The following BMP5 variants were observed in gnomAD, a reference collection of about 807,000 sequenced individuals.
BMP5 encodes bone morphogenetic protein 5.
In BMP5, 23 loss-of-function variants were observed where a neutral mutation model predicts 46.6. That is an observed-to-expected ratio of 0.49 (90% CI 0.35 to 0.70). BMP5 has a LOEUF of 0.70. Ranked by LOEUF, BMP5 falls within the 30% of genes least tolerant of loss-of-function variation. BMP5 has a pLI of 0.00. For synonymous variants in BMP5, 204 were observed against 191.9 expected (o/e 1.06, Z -0.52); for missense variants, 545 against 565.6 (o/e 0.96, Z 0.37).
chr6:55,796,299 C>G (rs1775710708), intron 2 of BMP5, among the ~76,000 whole-genome samples: 1 of 151,820 alleles, frequency 6.6e-6, no homozygotes, highest in South Asian at 2.1e-4. Flanking sequence ...CTTTCAGAAG[C>G]AAAATTAACA....
intron 2 of BMP5, among the ~76,000 whole-genome samples, chr6:55,801,383 T>C (rs1775845802): frequency 6.6e-6 from 1 of 152,204 alleles, no homozygotes. Context: ...AGGCATCCGC[T>C]TCTAAAGGAA....
intron 1 of BMP5, among the ~76,000 whole-genome samples, chr6:55,833,371 CAT>C (rs1776710425): frequency 6.6e-6 from 1 of 152,172 alleles, no homozygotes; most frequent in Non-Finnish European, 1.5e-5. Context: ...ACTTTGAAAA[CAT>C]ATCAACATCA....
At chr6:55,848,594 T>C (rs947386387) in intron 1 of BMP5, among the ~76,000 whole-genome samples, 6 of 151,976 alleles carry the variant, frequency 3.9e-5, no homozygotes, top group African/African-American at 1.4e-4. Context: ...TAGAGGTTAA[T>C]AAATATTTAT....
At chr6:55,852,021 C>T (rs1043728719) in intron 1 of BMP5, among the ~76,000 whole-genome samples, 30 of 151,946 alleles carry the variant, frequency 2.0e-4, no homozygotes, top group Non-Finnish European at 3.4e-4. Context: ...CTATTCTATC[C>T]CCCCAAAGTA....
chr6:55,802,569 G>T (rs1021472704), intron 2 of BMP5, among the ~76,000 whole-genome samples: 1 of 151,852 alleles, frequency 6.6e-6, no homozygotes, highest in Admixed American at 6.6e-5. Flanking sequence ...GACCAGCCAT[G>T]GTGCTTGTCA....
chr6:55,797,958 C>T (rs900163015), intron 2 of BMP5, among the ~76,000 whole-genome samples: 4 of 152,064 alleles, frequency 2.6e-5, no homozygotes, highest in Admixed American at 6.6e-5. Context: ...CTAGAGTTTG[C>T]AATTGATTTT....
intron 1 of BMP5, among the ~76,000 whole-genome samples, chr6:55,829,349 T>G (rs1029139311): frequency 8.8e-5 from 13 of 147,956 alleles, no homozygotes; most frequent in African/African-American, 3.2e-4. Flanking sequence ...GTTTTCTTGT[T>G]TTTTTTCAGA....
chr6:55,862,935 C>T (rs920193902), intron 1 of BMP5, among the ~76,000 whole-genome samples: 1 of 152,086 alleles, frequency 6.6e-6, no homozygotes, highest in African/African-American at 2.4e-5. Context: ...TTTAATTTTA[C>T]TTGGTGCTAG....
At chr6:55,831,225 A>G (rs1776656548) in intron 1 of BMP5, among the ~76,000 whole-genome samples, 1 of 152,174 alleles carries the variant, frequency 6.6e-6, no homozygotes, top group Non-Finnish European at 1.5e-5. Context: ...AAAATAGCAA[A>G]GAAACAGCAT....
At chr6:55,808,175 G>C (rs548075345) in intron 2 of BMP5, among the ~76,000 whole-genome samples, 16 of 152,312 alleles carry the variant, frequency 1.1e-4, no homozygotes, top group Non-Finnish European at 2.2e-4. Flanking sequence ...TGAGCACCTG[G>C]TTGGAGTTTT....
chr6:55,787,978 G>T (rs939905989), intron 3 of BMP5, among the ~76,000 whole-genome samples: 1 of 151,520 alleles, frequency 6.6e-6, no homozygotes, highest in Middle Eastern at 3.4e-3. Context: ...ATGTATTAGG[G>T]ACCATTGGAC....
chr6:55,784,208 G>A (rs936451493), intron 3 of BMP5, among the ~76,000 whole-genome samples: 2 of 151,824 alleles, frequency 1.3e-5, no homozygotes, highest in African/African-American at 4.8e-5. Flanking sequence ...TTTGGGACTT[G>A]AAGAAGAGAA....
intron 1 of BMP5, among the ~76,000 whole-genome samples, chr6:55,865,684 T>A (rs572889760): frequency 1.7e-3 from 254 of 152,338 alleles, no homozygotes; most frequent in African/African-American, 5.5e-3. Context: ...AGGCTGAATG[T>A]AGATTTCCTC....
At chr6:55,843,937 G>A (rs1777031722) in intron 1 of BMP5, among the ~76,000 whole-genome samples, 1 of 151,832 alleles carries the variant, frequency 6.6e-6, no homozygotes, top group Non-Finnish European at 1.5e-5. Flanking sequence ...ATTTTACTAG[G>A]TATCAGTCAT....
At chr6:55,859,184 T>C (rs1777473742) in intron 1 of BMP5, among the ~76,000 whole-genome samples, 1 of 152,226 alleles carries the variant, frequency 6.6e-6, no homozygotes, top group Non-Finnish European at 1.5e-5. Flanking sequence ...TTAGCAGTGA[T>C]ATTGAAACAC....
chr6:55,862,467 C>T (rs1231900124), intron 1 of BMP5, among the ~76,000 whole-genome samples: 1 of 152,066 alleles, frequency 6.6e-6, no homozygotes, highest in African/African-American at 2.4e-5. Flanking sequence ...TCAATGTATA[C>T]AGTAGCAAAG....
intron 1 of BMP5, among the ~76,000 whole-genome samples, chr6:55,870,500 A>G (rs1777759894): frequency 1.3e-5 from 2 of 152,144 alleles, no homozygotes; most frequent in Non-Finnish European, 2.9e-5. Context: ...GCTTTATATT[A>G]TCTTTCCTTC....
intron 1 of BMP5, among the ~76,000 whole-genome samples, chr6:55,822,661 A>T (rs1311600536): frequency 1.3e-5 from 2 of 152,148 alleles, no homozygotes; most frequent in African/African-American, 2.4e-5. Flanking sequence ...TCCAACCTAA[A>T]GTGTGCACCT....
intron 1 of BMP5, among the ~76,000 whole-genome samples, chr6:55,822,992 A>C (rs1432144473): frequency 6.6e-6 from 1 of 152,140 alleles, no homozygotes; most frequent in Non-Finnish European, 1.5e-5. Flanking sequence ...GTAATGGAAT[A>C]AGACTTACAG....
Sources: gnomAD v4.1 joint callset for allele counts (sites outside exome capture counted in the v4.1 genomes callset) on GRCh38, gnomAD v4.1.1 for gene constraint, MANE v1.5 for transcripts, NCBI Gene and HGNC (gene_info 2026-07-23, HGNC 2026-07-21) for gene names.